Variants in LTBP2 observed in about 807,000 individuals in gnomAD.
LTBP2 encodes the protein latent transforming growth factor beta binding protein 2, also known as latent-transforming growth factor beta-binding protein 2.
LTBP2 carries 103 observed loss-of-function variants against 210.6 expected under a neutral mutation model. The ratio of observed to expected loss-of-function variants is 0.49; its 90% CI spans 0.42 to 0.58. The LOEUF (loss-of-function observed/expected upper bound fraction) is 0.58. Ranked by LOEUF, LTBP2 falls within the 20% of genes least tolerant of loss-of-function variation. LTBP2 has a pLI of 0.00. For synonymous variants in LTBP2, 1,007 were observed against 1,015.0 expected (o/e 0.99, Z 0.15); for missense variants, 2,313 against 2,494.5 (o/e 0.93, Z 1.55).
rs185364479 is a variant in LTBP2, at chr14:74,545,714, G to C, written c.1789+4149C>G. Reference sequence around the variant, plus strand: ...TCAAAAATGTGGCCTCAATCAAAGTGGCTTTTGAGAACCGTGTGTTCTCCA... The same window carrying C: ...TCAAAAATGTGGCCTCAATCAAAGTCGCTTTTGAGAACCGTGTGTTCTCCA... On this transcript the variant is annotated intron_variant, in intron 8 of 35. Coordinates refer to ENST00000261978, the MANE Select transcript of LTBP2 (RefSeq NM_000428.3). Among the ~76,000 whole-genome samples the C allele has an allele frequency of 1.4e-3, 210 of 152,350 alleles. 1 individual carries two copies. The highest frequency in any genetic ancestry group is 2.0e-3 in the Non-Finnish European group (135 of 68,036).
At chr14:74,564,766 G>C (rs61980888) in intron 3 of LTBP2, among the ~76,000 whole-genome samples, 55,740 of 151,862 alleles carry the variant, frequency 0.37, 12,418 homozygotes, top group Non-Finnish European at 0.51. Context: ...CTCACATAGA[G>C]CTCTCCATAT....
intron 8 of LTBP2, among the ~76,000 whole-genome samples, chr14:74,545,623 C>T (rs1398369279): frequency 6.6e-6 from 1 of 152,222 alleles, no homozygotes; most frequent in East Asian, 1.9e-4. Context: ...CAGCCAGTGC[C>T]AAGCCAGATG....
At position 74,502,662 on chromosome 14, in the gene LTBP2, T is replaced by C. The variant is rs760388688; in HGVS notation, c.5161A>G (p.Ser1721Gly). 1.9e-6 allele frequency: 3 copies of C among 1,614,172 alleles called. No homozygotes were observed. The South Asian group carries it at 3.3e-5, about 18-fold the overall frequency. The change falls in exon 34 of 36, where the codon AGC becomes GGC. Residue 1721 changes from serine (S) to glycine (G), a missense_variant. Physicochemically the swap from Ser to Gly is moderately conservative, Grantham distance 56. Transcript: ENST00000261978. ...PSELQPHYVASHPEPPAGFEG... is the reference protein window; with the variant it reads ...PSELQPHYVAGHPEPPAGFEG... ...TTGCAGCAACACAGACCTGGATGGC[T>C]GGCCACGTAGTGGGGCTGGAGTTCT... is the stretch of plus-strand genomic sequence containing the variant.
intron 12 of LTBP2, 106 bp from the exon 13 acceptor site, chr14:74,527,472 C>A: frequency 8.7e-7 from 1 of 1,153,448 alleles, no homozygotes; most frequent in Non-Finnish European, 1.3e-6. Context: ...GACCACATCC[C>A]CAGCAGGGCC....
rs1284264414 is a variant in LTBP2, at chr14:74,512,499, C to T, written c.2909-1135G>A. ...GAGGGACTAAAGCCAGCAGCTGTCACTGCTGCTGGACATGGAGAGGAGAGG... is the reference window on the plus strand; with the variant it reads ...GAGGGACTAAAGCCAGCAGCTGTCATTGCTGCTGGACATGGAGAGGAGAGG... On this transcript the variant is annotated intron_variant, in intron 18 of 35. Coordinates refer to ENST00000261978, the MANE Select transcript of LTBP2 (RefSeq NM_000428.3). 2.0e-5 allele frequency among the ~76,000 whole-genome samples: 3 copies of T among 152,184 alleles called. No individual in the cohort carries two copies. In the East Asian group the frequency reaches 5.8e-4, roughly 29 times the overall value.
At chr14:74,611,284 C>G (rs988645070) in intron 1 of LTBP2, among the ~76,000 whole-genome samples, 167 bp downstream of exon 1, 1 of 152,228 alleles carries the variant, frequency 6.6e-6, no homozygotes, top group East Asian at 1.9e-4. Flanking sequence ...GAAAGCGGAT[C>G]AAATCTTCCA....
At chr14:74,582,397 TACACACACACACACAC>T (rs58985238) in intron 3 of LTBP2, among the ~76,000 whole-genome samples, 169 of 140,832 alleles carry the variant, frequency 1.2e-3, no homozygotes, top group African/African-American at 4.3e-3. Flanking sequence ...CACACATACA[TACACACACACACACAC>T]ACACACACAC....
chr14:74,591,533 T>C (rs1329700625), intron 2 of LTBP2, among the ~76,000 whole-genome samples: 3 of 152,144 alleles, frequency 2.0e-5, no homozygotes, highest in African/African-American at 7.2e-5. Context: ...AGTTTCAGGT[T>C]TTTGGAGGTT....
intron 6 of LTBP2, among the ~76,000 whole-genome samples, 197 bp downstream of exon 6, chr14:74,551,990 C>G (rs145602188): frequency 2.8e-4 from 43 of 152,196 alleles, no homozygotes; most frequent in Non-Finnish European, 4.7e-4. Flanking sequence ...AAAAACAAGT[C>G]GATAAATTCC....
intron 6 of LTBP2, 59 bp from the exon 7 acceptor site, chr14:74,551,409 C>G: frequency 6.8e-7 from 1 of 1,467,448 alleles, no homozygotes. Flanking sequence ...CATTTCCAAC[C>G]CTCTGAAGGG....
At chr14:74,552,490 G>T in intron 5 of LTBP2, 97 bp from the exon 6 acceptor site, 1 of 1,130,012 alleles carries the variant, frequency 8.8e-7, no homozygotes, top group Non-Finnish European at 1.3e-6. Flanking sequence ...GCAGAACCCT[G>T]ACCCTAGATG....
intron 18 of LTBP2, among the ~76,000 whole-genome samples, chr14:74,512,401 G>A (rs756881662): frequency 2.0e-5 from 3 of 152,254 alleles, no homozygotes; most frequent in Non-Finnish European, 4.4e-5. Context: ...TACTGCCCGA[G>A]AGGAGGACCT....
At chr14:74,532,978 G>A (rs567376694) in intron 9 of LTBP2, among the ~76,000 whole-genome samples, 2 of 152,250 alleles carry the variant, frequency 1.3e-5, no homozygotes, top group South Asian at 4.1e-4. Context: ...TAGCTGGAAC[G>A]ACAGGTGCAT....
intron 18 of LTBP2, among the ~76,000 whole-genome samples, chr14:74,513,454 C>T (rs2087096638): frequency 6.6e-6 from 1 of 152,256 alleles, no homozygotes; most frequent in Non-Finnish European, 1.5e-5. Context: ...AATGAGGAAA[C>T]ATGGGGCAGA....
intron 3 of LTBP2, among the ~76,000 whole-genome samples, chr14:74,579,638 C>A (rs1316093732): frequency 6.6e-6 from 1 of 152,262 alleles, no homozygotes; most frequent in African/African-American, 2.4e-5. Flanking sequence ...GCAGTCCTGG[C>A]ACTCACCACC....
rs1595237630 is a variant in LTBP2, at chr14:74,503,673, G to A, written c.4583-67C>T. The A allele has an allele frequency of 2.4e-5, 39 of 1,597,160 alleles. No individual in the cohort carries two copies. The East Asian group carries it at 8.8e-4, about 36-fold the overall frequency. ...TTCCACCAACCACCCTCAGGGAAGG[G>A]TGTTTGCCTATCACTGATAATGAAG... On this transcript the variant is annotated intron_variant, in intron 31 of 35. Transcript: ENST00000261978.
intron 3 of LTBP2, among the ~76,000 whole-genome samples, chr14:74,583,553 G>T (rs1450644194): frequency 6.6e-6 from 1 of 152,230 alleles, no homozygotes; most frequent in Non-Finnish European, 1.5e-5. Context: ...GGGAGCCTGT[G>T]AAAGTCAAAG....
In LTBP2 at chr14:74,511,357, G is replaced by A. The variant is rs775787060; in HGVS notation, c.2916C>T (p.Asn972=). 4.8e-5 allele frequency: 77 copies of A among 1,614,062 alleles called. No homozygotes were observed. Among genetic ancestry groups the A allele is most frequent in the Admixed American group, 2.5e-4 (15 of 60,014 alleles). The change falls in exon 19 of 36, where the codon AAC becomes AAT. Residue 972 remains asparagine (N), a synonymous_variant. Coordinates refer to ENST00000261978, the MANE Select transcript of LTBP2 (RefSeq NM_000428.3). ...MVRKGHCQDI[N]ECRHPGTCPD... ...GGCAGGTACCGGGGTGACGGCATTC[G>A]TTGATATCTGCAAAACAGCAGCCCC...
chr14:74,593,039 G>T (rs78644843), intron 2 of LTBP2, among the ~76,000 whole-genome samples: 1 of 152,158 alleles, frequency 6.6e-6, no homozygotes, highest in Admixed American at 6.5e-5. Context: ...TCAGCAGGAC[G>T]CCAAAAGAGG....
Sources: gnomAD v4.1 joint callset for allele counts (sites outside exome capture counted in the v4.1 genomes callset) on GRCh38, gnomAD v4.1.1 for gene constraint, MANE v1.5 for transcripts, NCBI Gene and HGNC (gene_info 2026-07-23, HGNC 2026-07-21) for gene names.